The following MMP25 variants were observed in gnomAD, a reference collection of about 807,000 sequenced individuals.
MMP25 encodes matrix metallopeptidase 25, also known as matrix metalloproteinase-25.
In MMP25, 68 loss-of-function variants were observed where a neutral mutation model predicts 62.1. That is an observed-to-expected ratio of 1.10 (90% CI 0.90 to 1.34). The LOEUF is 1.34. Among genes scored for constraint, MMP25 ranks in the 40% most tolerant of loss-of-function variants. MMP25 has a pLI of 0.00. For synonymous variants in MMP25, 407 were observed against 345.6 expected, an observed-to-expected ratio of 1.18 and a Z score of -1.97; for missense variants, 942 against 792.5, an observed-to-expected ratio of 1.19 and a Z score of -2.26.
At position 3,058,963 on chromosome 16, in the gene MMP25, C is replaced by G. The variant is rs1331882100; in HGVS notation, c.1554C>G (p.Pro518=). The stretch of plus-strand genomic sequence containing the variant: ...CCCCGAGCTCTGGTCCCCGCGCCCC[C>G]AGGCCCCCCAAAGCGACCCCCGTGT... The part of the protein sequence containing the change: ...CPAPSSGPRA[P]RPPKATPVSE... Residue 518 remains proline, a synonymous_variant, in exon 10 of 10, where the codon CCC becomes CCG. Transcript: ENST00000336577. 35 of 1,551,606 alleles carry G rather than the reference C, an allele frequency of 2.3e-5. No homozygotes were observed. Among genetic ancestry groups the G allele is most frequent in the Non-Finnish European group, 3.0e-5 (34 of 1,147,200 alleles).
chr16:3,057,972 G>C (rs1167262390), intron 7 of MMP25: 2 of 605,318 alleles, frequency 3.3e-6, no homozygotes. Flanking sequence ...CAATGTGCTG[G>C]CATTACAGGT....
intron 1 of MMP25, 66 bp from the exon 2 acceptor site, chr16:3,047,349 G>C (rs986092338): frequency 1.3e-6 from 2 of 1,551,720 alleles, no homozygotes; most frequent in Non-Finnish European, 1.7e-6. Context: ...TGCCAGGATG[G>C]TGGTGGGCAG....
intron 6 of MMP25, 43 bp from the exon 7 acceptor site, chr16:3,057,488 A>T (rs374139851): frequency 6.2e-7 from 1 of 1,604,138 alleles, no homozygotes; most frequent in Non-Finnish European, 8.5e-7. Flanking sequence ...TGCCTTGGAG[A>T]AAACAAACCC....
chr16:3,050,128 C>T lies in MMP25; in HGVS notation c.352C>T (p.Arg118Ter), dbSNP rs149856253. The T allele has an allele frequency of 4.5e-4, 719 of 1,606,278 alleles. 2 individuals carry two copies. The highest frequency in any genetic ancestry group is 5.5e-4 in the Non-Finnish European group (646 of 1,174,754). The change falls in exon 3 of 10, where the codon CGA (arginine) becomes TGA (stop). Residue 118 changes from arginine to a stop codon, truncating the protein, a stop_gained. Transcript: ENST00000336577. LOFTEE classifies it high-confidence loss of function. ...TCTGAGCGGCAGCGTGTGGAAGAAG[C>T]GAACCCTGACATGGAGGTAGGTCCT... ...YALSGSVWKK[R>*]TLTWRVRSFP...
At chr16:3,058,055 TG>T in intron 7 of MMP25, 125 bp from the exon 8 acceptor site, 1 of 1,150,208 alleles carries the variant, frequency 8.7e-7, no homozygotes. Flanking sequence ...CAGGATGGGC[TG>T]GTCACCCTAG....
chr16:3,048,847 C>T (rs529059404), intron 2 of MMP25, among the ~76,000 whole-genome samples: 2 of 151,132 alleles, frequency 1.3e-5, no homozygotes, highest in Admixed American at 1.3e-4. Flanking sequence ...ACTCTGTGGC[C>T]CAGGCTGCAG....
In MMP25 at chr16:3,059,940, A is replaced by T. The variant is rs937935150; in HGVS notation, c.*842A>T. On this transcript the variant is annotated 3_prime_UTR_variant, in exon 10 of 10. Coordinates refer to ENST00000336577, the MANE Select transcript of MMP25 (RefSeq NM_022468.5). ...TGGGCCCAGAACTGCCTTCCATTCAATGGGGAACCCTTCTATCCCCAAGAA... is the reference window on the plus strand; with the variant it reads ...TGGGCCCAGAACTGCCTTCCATTCATTGGGGAACCCTTCTATCCCCAAGAA... The T allele has an allele frequency of 1.3e-5, 2 of 152,190 alleles. No individual in the cohort carries two copies. The highest frequency in any genetic ancestry group is 4.8e-5 in the African/African-American group (2 of 41,368). 9.4% of individuals were successfully genotyped at this position (152,190 alleles called of 1,614,324 possible). A position where few individuals can be genotyped will look rare whatever the true frequency, so the allele number is the denominator to read the frequency against.
intron 2 of MMP25, 82 bp from the exon 3 acceptor site, chr16:3,049,927 A>G: frequency 1.3e-6 from 2 of 1,583,714 alleles, no homozygotes; most frequent in South Asian, 1.1e-5. Flanking sequence ...CAGTTTTCCC[A>G]TGTAGAAAGT....
chr16:3,058,543 G>A lies in MMP25; in HGVS notation c.1291G>A (p.Val431Ile), dbSNP rs749103327. 1 of 1,611,016 alleles carries A rather than the reference G, an allele frequency of 6.2e-7. No individual in the cohort carries two copies. The highest frequency in any genetic ancestry group is 2.2e-5 in the East Asian group (1 of 44,776). Residue 431 changes from valine to isoleucine, a missense_variant, in exon 9 of 10, where the codon GTC becomes ATC. Val to Ile is a conservative substitution (Grantham distance 29). Coordinates refer to ENST00000336577, the MANE Select transcript of MMP25 (RefSeq NM_022468.5). ...GCCACAGAACGGGAAGACCTACCTG[G>A]TCCGCGGCCGGCAGTACTGGCGCTA... ...SWPQNGKTYLVRGRQYWRYDE... is the reference protein window; with the variant it reads ...SWPQNGKTYLIRGRQYWRYDE...
rs764403741 is a variant in MMP25 at position 3,058,572 on chromosome 16, C to A, written c.1320C>A (p.Asp440Glu). Residue 440 changes from aspartate to glutamate, a missense_variant, in exon 9 of 10, where the codon GAC becomes GAA. Transcript: ENST00000336577. ...LVRGRQYWRY[D>E]EAAARPDPGY... ...GCGGCCGGCAGTACTGGCGCTACGA[C>A]GAGGCGGCGGCGCGCCCGGACCCCG... 18 of 1,609,484 alleles carry A rather than the reference C, an allele frequency of 1.1e-5. No individual in the cohort carries two copies. In the Admixed American group the frequency reaches 1.3e-4, roughly 12 times the overall value.
chr16:3,053,515 C>G (rs1955941915), intron 4 of MMP25: 1 of 152,278 alleles, frequency 6.6e-6, no homozygotes, highest in Non-Finnish European at 1.5e-5. Flanking sequence ...ACCCATGCCT[C>G]TCAGCACAGG....
Position 3,058,900 on chromosome 16 carries a change from C to T in MMP25, c.1491C>T (p.Ala497=). The T allele has an allele frequency of 6.4e-7, 1 of 1,555,466 alleles. No homozygotes were observed. Among genetic ancestry groups the T allele is most frequent in the Non-Finnish European group, 8.7e-7 (1 of 1,149,338 alleles). ...ACAGCATCAAGACCGAGCCGGACGC[C>T]CCCCAGCCCATGGGGCCCAACTGGC... is the stretch of plus-strand genomic sequence containing the variant. The part of the protein sequence containing the change: ...PKNSIKTEPD[A]PQPMGPNWLD... Residue 497 remains alanine (A), a synonymous_variant, in exon 10 of 10, where the codon GCC becomes GCT. Coordinates refer to ENST00000336577, the MANE Select transcript of MMP25 (RefSeq NM_022468.5).
intron 4 of MMP25, chr16:3,055,917 C>G (rs1042325754): frequency 5.3e-5 from 24 of 455,334 alleles, no homozygotes; most frequent in African/African-American, 4.4e-4. Context: ...TGTGAATCCT[C>G]TGGGTCCTGG....
intron 4 of MMP25, chr16:3,054,512 A>G (rs1355818229): frequency 8.3e-6 from 1 of 120,086 alleles, no homozygotes; most frequent in Non-Finnish European, 1.7e-5. Flanking sequence ...ATGCATGCAC[A>G]GAGGCAGGGA....
chr16:3,047,653 T>C (rs933969561), intron 2 of MMP25, 106 bp downstream of exon 2: 1 of 1,328,720 alleles, frequency 7.5e-7, no homozygotes, highest in Non-Finnish European at 1.0e-6. Flanking sequence ...GCTGTGAAGA[T>C]GCTGATCTCA....
chr16:3,057,802 G>A (rs376178824), intron 7 of MMP25, 189 bp downstream of exon 7: 78 of 624,440 alleles, frequency 1.2e-4, no homozygotes, highest in African/African-American at 9.2e-4. Context: ...GGGCTCAAGC[G>A]ATCCTCCCAC....
intron 7 of MMP25, 160 bp from the exon 8 acceptor site, chr16:3,058,021 A>C: frequency 1.2e-6 from 1 of 835,902 alleles, no homozygotes; most frequent in Non-Finnish European, 1.8e-6. Context: ...TTTAGCGCTA[A>C]AAAGGGAAAA....
chr16:3,059,253 GGGC>G lies in MMP25; in HGVS notation c.*167_*169del. ...TAAGCAGGGGGGATCTCCCGCGCAG[GGGC>G]GGCGGCGGCGGGGACCGGTCGCCTG... On this transcript the variant is annotated 3_prime_UTR_variant, in exon 10 of 10. Coordinates refer to ENST00000336577, the MANE Select transcript of MMP25 (RefSeq NM_022468.5). The G allele has an allele frequency of 1.9e-4, 168 of 875,080 alleles. No individual in the cohort carries two copies. The highest frequency in any genetic ancestry group is 4.8e-4 in the South Asian group (18 of 37,586). 54.2% of individuals were successfully genotyped at this position (875,080 alleles called of 1,614,324 possible).
At position 3,058,656 on chromosome 16, in the gene MMP25, C is replaced by T. The variant is rs1473202855; in HGVS notation, c.1404C>T (p.Thr468=). The part of the protein sequence containing the change: ...EGAPPSPDDV[T]VSNAGDTYFF... ...CGCCCCCCTCCCCTGACGATGTCAC[C>T]GTCAGCAACGCAGGTGGGGAGCGCG... is the stretch of plus-strand genomic sequence containing the variant. The change falls in exon 9 of 10, where the codon ACC becomes ACT. Residue 468 remains threonine (T), a synonymous_variant. Coordinates refer to ENST00000336577, the MANE Select transcript of MMP25 (RefSeq NM_022468.5). 1 of 1,600,580 alleles carries T rather than the reference C, an allele frequency of 6.2e-7. No individual in the cohort carries two copies. Among genetic ancestry groups the T allele is most frequent in the Admixed American group, 1.7e-5 (1 of 58,944 alleles).
Sources: allele counts gnomAD v4.1 joint callset (sites outside exome capture counted in the v4.1 genomes callset), GRCh38; gene constraint gnomAD v4.1.1; transcripts MANE v1.5; gene names NCBI Gene and HGNC (gene_info 2026-07-23, HGNC 2026-07-21).